MAP2K1: variants seen among roughly 807,000 people sequenced by gnomAD.
The protein encoded by MAP2K1 is dual specificity mitogen-activated protein kinase kinase 1.
In MAP2K1, 16 loss-of-function variants were observed where a neutral mutation model predicts 46.3. That is an observed-to-expected ratio of 0.35 (90% CI 0.23 to 0.52). The LOEUF is 0.52. Ranked by LOEUF, MAP2K1 falls within the 20% of genes least tolerant of loss-of-function variation. The pLI is 0.94. For missense variants in MAP2K1, 263 were observed against 497.1 expected (o/e 0.53, Z 4.48); for synonymous variants, 183 against 185.6 (o/e 0.99, Z 0.11).
chr15:66,478,950 G>A (rs1314133256), intron 5 of MAP2K1, among the ~76,000 whole-genome samples: 1 of 152,188 alleles, frequency 6.6e-6, no homozygotes, highest in East Asian at 1.9e-4. Flanking sequence ...TCAGTGGACA[G>A]TAGGTGATGA....
intron 1 of MAP2K1, among the ~76,000 whole-genome samples, chr15:66,388,621 C>G (rs938110907): frequency 6.6e-6 from 1 of 152,106 alleles, no homozygotes; most frequent in African/African-American, 2.4e-5. Flanking sequence ...TGGACTCTAG[C>G]GATCCTCCCA....
At chr15:66,417,828 G>T (rs1038629446) in intron 1 of MAP2K1, among the ~76,000 whole-genome samples, 2 of 152,132 alleles carry the variant, frequency 1.3e-5, no homozygotes, top group Non-Finnish European at 2.9e-5. Context: ...AATTTCTCCT[G>T]TGGACTAGAA....
intron 5 of MAP2K1, among the ~76,000 whole-genome samples, chr15:66,447,013 G>A (rs1013249807): frequency 7.9e-5 from 12 of 152,120 alleles, no homozygotes; most frequent in African/African-American, 2.7e-4. Flanking sequence ...TAGTGCTGTC[G>A]GCCATGTCCC....
At chr15:66,403,881 A>C (rs2093388904) in intron 1 of MAP2K1, among the ~76,000 whole-genome samples, 1 of 152,136 alleles carries the variant, frequency 6.6e-6, no homozygotes, top group South Asian at 2.1e-4. Context: ...CCTTTAGTAA[A>C]CAGTCCTCAA....
At chr15:66,419,493 C>G (rs1178592750) in intron 1 of MAP2K1, among the ~76,000 whole-genome samples, 1 of 151,324 alleles carries the variant, frequency 6.6e-6, no homozygotes, top group African/African-American at 2.4e-5. Context: ...GCACTCCAGC[C>G]TGTGTGACGG....
At chr15:66,387,772 C>T (rs1264352862) in intron 1 of MAP2K1, among the ~76,000 whole-genome samples, 1 of 152,180 alleles carries the variant, frequency 6.6e-6, no homozygotes, top group Non-Finnish European at 1.5e-5. Flanking sequence ...GGGAGTCTGG[C>T]CTGTAACGGG....
At position 66,454,815 on chromosome 15, in the gene MAP2K1, G is replaced by A. The variant is rs188637793; in HGVS notation, c.568+10108G>A. 6.2e-4 allele frequency among the ~76,000 whole-genome samples: 95 copies of A among 152,094 alleles called. 1 individual carries two copies. The South Asian group carries it at 6.6e-3, about 11-fold the overall frequency. ...AAAGAATTGCTTGAACCCAGGAGGC[G>A]GAGGTTGCAATGAGCCGAGATCGTG... is the stretch of plus-strand genomic sequence containing the variant. On this transcript the variant is annotated intron_variant, in intron 5 of 10. Transcript: ENST00000307102.
At chr15:66,478,492 GTA>G (rs1491544631) in intron 5 of MAP2K1, among the ~76,000 whole-genome samples, 5 of 127,730 alleles carry the variant, frequency 3.9e-5, no homozygotes, top group Admixed American at 8.2e-5. Flanking sequence ...ATATATAGAG[GTA>G]TATATATATA....
intron 5 of MAP2K1, among the ~76,000 whole-genome samples, chr15:66,470,091 C>CTTGTTTTTTTT (rs1892589017): frequency 1.8e-5 from 1 of 55,740 alleles, no homozygotes. Context: ...ACTTTTTTTT[C>CTTGTTTTTTTT]TTGTTTTTTT....
Position 66,387,057 on chromosome 15 carries a change from A to C in MAP2K1, c.-291A>C. The C allele has an allele frequency of 2.8e-6, 1 of 362,978 alleles. No individual in the cohort carries two copies. The highest frequency in any genetic ancestry group is 4.9e-6 in the Non-Finnish European group (1 of 204,298). The allele number at this position is 362,978 out of a possible 1,614,324, so 22.5% of individuals were successfully genotyped here. The stretch of plus-strand genomic sequence containing the variant: ...CTGGTTGGTTGAGAGAGAGAGAGGA[A>C]GGGAATCCCGGGCTGCCGAACCGCA... On this transcript the variant is annotated 5_prime_UTR_variant, in exon 1 of 11. Coordinates refer to ENST00000307102, the MANE Select transcript of MAP2K1 (RefSeq NM_002755.4).
intron 1 of MAP2K1, among the ~76,000 whole-genome samples, chr15:66,392,813 A>G (rs1461592655): frequency 2.0e-5 from 3 of 151,962 alleles, no homozygotes; most frequent in Non-Finnish European, 4.4e-5. Context: ...TCAGCCTCCC[A>G]AAGTGTTGGG....
intron 1 of MAP2K1, among the ~76,000 whole-genome samples, chr15:66,397,797 C>G (rs114301928): frequency 1.3e-5 from 2 of 152,054 alleles, no homozygotes; most frequent in Non-Finnish European, 2.9e-5. Context: ...AGACAACTGA[C>G]CTAGTCTCTT....
At chr15:66,449,821 C>G (rs1479046373) in intron 5 of MAP2K1, among the ~76,000 whole-genome samples, 2 of 152,086 alleles carry the variant, frequency 1.3e-5, no homozygotes, top group Non-Finnish European at 2.9e-5. Context: ...GCAGAGGTTG[C>G]AGTGAGCCAA....
At chr15:66,488,169 G>A (rs1028000054) in intron 8 of MAP2K1, among the ~76,000 whole-genome samples, 3 of 152,170 alleles carry the variant, frequency 2.0e-5, no homozygotes, top group Non-Finnish European at 4.4e-5. Context: ...GCTCTTTCCT[G>A]TTCAGAAGGA....
chr15:66,420,175 C>T (rs906359708), intron 1 of MAP2K1, among the ~76,000 whole-genome samples: 40 of 150,452 alleles, frequency 2.7e-4, no homozygotes, highest in Non-Finnish European at 5.5e-4. Context: ...ACCGGGGAGG[C>T]GGAGGTTGTG....
At chr15:66,469,721 C>CACACACACACACACACACACACACAT (rs1567021045) in intron 5 of MAP2K1, among the ~76,000 whole-genome samples, 1 of 144,622 alleles carries the variant, frequency 6.9e-6, no homozygotes, top group Non-Finnish European at 1.5e-5. Flanking sequence ...CACACACACA[C>CACACACACACACACACACACACACAT]ACATATCGGA....
intron 1 of MAP2K1, 24 bp downstream of exon 1, chr15:66,387,451 C>T (rs762999277): frequency 3.7e-5 from 58 of 1,550,178 alleles, no homozygotes; most frequent in Admixed American, 9.8e-5. Flanking sequence ...GGGCGGTGAA[C>T]CTCGGGGCCC....
intron 1 of MAP2K1, among the ~76,000 whole-genome samples, chr15:66,388,216 G>A (rs796109631): frequency 3.9e-5 from 6 of 152,178 alleles, no homozygotes; most frequent in African/African-American, 1.4e-4. Context: ...TTACAAACGA[G>A]CACTTTATTT....
chr15:66,418,680 T>C (rs1229176652), intron 1 of MAP2K1, among the ~76,000 whole-genome samples: 4 of 151,800 alleles, frequency 2.6e-5, no homozygotes, highest in African/African-American at 7.2e-5. Context: ...TTTTTTTTTT[T>C]GAGACGGAGT....
Sources: gnomAD v4.1 joint callset for allele counts (sites outside exome capture counted in the v4.1 genomes callset) on GRCh38, gnomAD v4.1.1 for gene constraint, MANE v1.5 for transcripts, NCBI Gene and HGNC (gene_info 2026-07-23, HGNC 2026-07-21) for gene names.